The following RABGAP1L variants were observed in gnomAD, a reference collection of about 807,000 sequenced individuals.
RABGAP1L encodes the protein rab GTPase-activating protein 1-like.
In RABGAP1L, 63 loss-of-function variants were observed where a neutral mutation model predicts 137.7. That is an observed-to-expected ratio of 0.46 (90% confidence interval 0.37 to 0.56). The LOEUF is 0.56. Ranked by LOEUF, RABGAP1L falls within the 20% of genes least tolerant of loss-of-function variation. RABGAP1L has a pLI of 0.00. For missense variants in RABGAP1L, 1,095 were observed against 1,244.0 expected, an observed-to-expected ratio of 0.88 and a Z score of 1.80; for synonymous variants, 431 against 433.7, an observed-to-expected ratio of 0.99 and a Z score of 0.08.
At chr1:174,181,019 AGTAACTTGTCC>A (rs1179214912) in intron 1 of RABGAP1L, among the ~76,000 whole-genome samples, 4 of 152,202 alleles carry the variant, frequency 2.6e-5, no homozygotes, top group Non-Finnish European at 5.9e-5. Context: ...AGGGAGATTG[AGTAACTTGTCC>A]TATATGATAT....
At chr1:174,617,370 A>G (rs1671985425) in intron 13 of RABGAP1L, among the ~76,000 whole-genome samples, 1 of 152,238 alleles carries the variant, frequency 6.6e-6, no homozygotes, top group African/African-American at 2.4e-5. Flanking sequence ...GAAAGTTGTA[A>G]TATTAACCAG....
intron 23 of RABGAP1L, among the ~76,000 whole-genome samples, chr1:174,979,518 T>C (rs371447545): frequency 1.3e-5 from 2 of 152,216 alleles, no homozygotes; most frequent in Non-Finnish European, 2.9e-5. Context: ...TAGATCACAC[T>C]TGGAACATTT....
At chr1:174,912,856 T>A (rs1344558561) in intron 19 of RABGAP1L, among the ~76,000 whole-genome samples, 1 of 152,086 alleles carries the variant, frequency 6.6e-6, no homozygotes, top group African/African-American at 2.4e-5. Flanking sequence ...GTAACCAGAG[T>A]TTAATTATTG....
intron 13 of RABGAP1L, among the ~76,000 whole-genome samples, chr1:174,489,144 AAAAC>A (rs1301896870): frequency 6.6e-6 from 1 of 152,090 alleles, no homozygotes; most frequent in Non-Finnish European, 1.5e-5. Context: ...TAAAACACCA[AAAAC>A]AATGGCAACA....
intron 13 of RABGAP1L, chr1:174,548,604 C>T (rs1666207292): frequency 1.0e-6 from 1 of 955,260 alleles, no homozygotes; most frequent in Non-Finnish European, 1.2e-6. Context: ...CAGAAATTTG[C>T]AGAGGGCTTC....
At chr1:174,782,281 C>G (rs187633227) in intron 18 of RABGAP1L, among the ~76,000 whole-genome samples, 1 of 152,284 alleles carries the variant, frequency 6.6e-6, no homozygotes, top group Admixed American at 6.5e-5. Flanking sequence ...AGGTCCTTCA[C>G]ATCCCTTGTA....
At chr1:174,293,824 A>G (rs544913148) in intron 10 of RABGAP1L, among the ~76,000 whole-genome samples, 11 of 152,232 alleles carry the variant, frequency 7.2e-5, no homozygotes, top group East Asian at 1.9e-4. Flanking sequence ...GCATTATGCT[A>G]TGTTGGGGAT....
intron 10 of RABGAP1L, among the ~76,000 whole-genome samples, chr1:174,280,524 A>T (rs1040610624): frequency 6.6e-6 from 1 of 152,192 alleles, no homozygotes; most frequent in Non-Finnish European, 1.5e-5. Context: ...AGTACATGAG[A>T]TGCCCTGTTC....
intron 17 of RABGAP1L, among the ~76,000 whole-genome samples, chr1:174,707,161 TTTGAG>T (rs1680112665): frequency 6.6e-6 from 1 of 152,186 alleles, no homozygotes; most frequent in South Asian, 2.1e-4. Context: ...GAGCATTAAC[TTTGAG>T]TTGTTTTTAT....
intron 13 of RABGAP1L, among the ~76,000 whole-genome samples, chr1:174,433,726 T>G (rs1409175411): frequency 2.0e-5 from 3 of 152,208 alleles, no homozygotes; most frequent in African/African-American, 7.2e-5. Flanking sequence ...ATCTGTTCTT[T>G]TAGACATTTT....
chr1:174,373,562 A>C (rs1321501167), intron 12 of RABGAP1L, among the ~76,000 whole-genome samples: 1 of 152,224 alleles, frequency 6.6e-6, no homozygotes, highest in African/African-American at 2.4e-5. Flanking sequence ...GTGTTTAGAA[A>C]GAACTGTCAG....
chr1:174,962,057 C>A (rs1452023162), intron 20 of RABGAP1L, among the ~76,000 whole-genome samples: 1 of 151,914 alleles, frequency 6.6e-6, no homozygotes, highest in African/African-American at 2.4e-5. Context: ...CACCTGTAGT[C>A]CCAGCTACTT....
At chr1:174,595,669 G>T (rs1284986593) in intron 13 of RABGAP1L, among the ~76,000 whole-genome samples, 1 of 147,962 alleles carries the variant, frequency 6.8e-6, no homozygotes, top group African/African-American at 2.5e-5. Context: ...GGCTGCTCGG[G>T]GGTCAGGGGT....
chr1:174,925,986 C>T (rs554915447), intron 19 of RABGAP1L, among the ~76,000 whole-genome samples: 4 of 149,352 alleles, frequency 2.7e-5, no homozygotes, highest in South Asian at 2.1e-4. Flanking sequence ...GCCTCAGCCT[C>T]CCAAGTAGCT....
rs556711456 is a variant in RABGAP1L at position 174,751,852 on chromosome 1, C to A, written c.2170-461C>A. Among the ~76,000 whole-genome samples the A allele has an allele frequency of 7.2e-4, 109 of 152,098 alleles. 1 individual carries two copies. Among genetic ancestry groups the A allele is most frequent in the African/African-American group, 2.4e-3 (101 of 41,492 alleles). The stretch of plus-strand genomic sequence containing the variant: ...TGGAAATGCAGTGTGATACTTAAAG[C>A]CTCCAGTACACAATCTGTCCCACTT... On this transcript the variant is annotated intron_variant, in intron 17 of 25. Coordinates refer to ENST00000681986, the MANE Select transcript of RABGAP1L (RefSeq NM_001366446.1).
At chr1:174,905,255 C>T (rs1212981397) in intron 19 of RABGAP1L, among the ~76,000 whole-genome samples, 1 of 152,112 alleles carries the variant, frequency 6.6e-6, no homozygotes, top group Non-Finnish European at 1.5e-5. Context: ...AAACCATGAC[C>T]TTTCCAAAGA....
At chr1:174,522,960 G>A (rs967650460) in intron 13 of RABGAP1L, among the ~76,000 whole-genome samples, 1 of 152,140 alleles carries the variant, frequency 6.6e-6, no homozygotes, top group Non-Finnish European at 1.5e-5. Context: ...TTCAACATGA[G>A]ATTTGGGCCA....
intron 15 of RABGAP1L, among the ~76,000 whole-genome samples, chr1:174,690,826 C>CT (rs1276817254): frequency 7.3e-6 from 1 of 136,950 alleles, no homozygotes; most frequent in Non-Finnish European, 1.6e-5. Flanking sequence ...CACCAGCATT[C>CT]ATCTTTTTTT....
chr1:174,956,986 T>C (rs2157541), intron 19 of RABGAP1L, among the ~76,000 whole-genome samples: 56,405 of 152,028 alleles, frequency 0.37, 13,673 homozygotes, highest in African/African-American at 0.69. Flanking sequence ...TTTTTACTTA[T>C]ATAAAATAAT....
Sources: allele counts gnomAD v4.1 joint callset (sites outside exome capture counted in the v4.1 genomes callset), GRCh38; gene constraint gnomAD v4.1.1; transcripts MANE v1.5; gene names NCBI Gene and HGNC (gene_info 2026-07-23, HGNC 2026-07-21).